The following CHD9 variants were observed in gnomAD, a reference collection of about 807,000 sequenced individuals.
CHD9 encodes the protein ATP-dependent chromatin remodeler CHD9.
Under a neutral mutation model 316.1 loss-of-function variants are expected in CHD9, and 77 were observed. The observed-to-expected ratio is 0.24, with a 90% CI of 0.20 to 0.29. The LOEUF (loss-of-function observed/expected upper bound fraction) is 0.29, where lower values mean the gene tolerates loss of function less well. CHD9 is among the 10% of genes least tolerant of loss of function. The pLI is 1.00. For synonymous variants in CHD9, 1,129 were observed against 1,158.3 expected (o/e 0.97, Z 0.51); for missense variants, 2,763 against 3,438.1 (o/e 0.80, Z 4.91).
intron 1 of CHD9, among the ~76,000 whole-genome samples, chr16:53,091,760 T>C (rs1341438081): frequency 1.3e-5 from 2 of 152,218 alleles, no homozygotes; most frequent in African/African-American, 4.8e-5. Context: ...GTTCAAGGAC[T>C]GTTTTCTGAA....
intron 8 of CHD9, among the ~76,000 whole-genome samples, chr16:53,229,494 G>C (rs1567521495): frequency 1.3e-5 from 2 of 152,184 alleles, no homozygotes; most frequent in Non-Finnish European, 2.9e-5. Flanking sequence ...CTTCATGTAT[G>C]TGAACAGAAC....
At chr16:53,180,496 A>T (rs1034032022) in intron 2 of CHD9, among the ~76,000 whole-genome samples, 2 of 152,106 alleles carry the variant, frequency 1.3e-5, no homozygotes, top group East Asian at 1.9e-4. Flanking sequence ...TGAAACTTTT[A>T]GTGATGTATT....
intron 17 of CHD9, 39 bp downstream of exon 17, chr16:53,250,105 A>T (rs1350449074): frequency 1.4e-6 from 2 of 1,456,416 alleles, no homozygotes; most frequent in South Asian, 2.5e-5. Flanking sequence ...TGCATTTTTT[A>T]AAAAAGTAAA....
Position 53,324,295 on chromosome 16 carries a change from T to G in CHD9, c.8094T>G (p.Leu2698=). Reference sequence around the variant, plus strand: ...GGTTGATGGGAATGCCTACCGGCCTTCCTTCTGGAGGAGAAGCTAAAAACA... The same window carrying G: ...GGTTGATGGGAATGCCTACCGGCCTGCCTTCTGGAGGAGAAGCTAAAAACA... ...TAGLMGMPTG[L]PSGGEAKNMA... Residue 2698 remains leucine (L), a synonymous_variant, in exon 39 of 39, where the codon CTT becomes CTG. Coordinates refer to ENST00000447540, the MANE Select transcript of CHD9 (RefSeq NM_001308319.2). 1 of 1,614,008 alleles carries G rather than the reference T, an allele frequency of 6.2e-7. No individual in the cohort carries two copies. Among genetic ancestry groups the G allele is most frequent in the Non-Finnish European group, 8.5e-7 (1 of 1,179,888 alleles).
chr16:53,235,378 A>G, intron 11 of CHD9, 72 bp downstream of exon 11: 1 of 1,074,732 alleles, frequency 9.3e-7, no homozygotes, highest in Non-Finnish European at 1.3e-6. Flanking sequence ...TAAAATAGAT[A>G]CTGTTGTTGC....
intron 1 of CHD9, among the ~76,000 whole-genome samples, chr16:53,149,721 A>T (rs975203230): frequency 8.6e-5 from 11 of 128,384 alleles, no homozygotes; most frequent in East Asian, 5.1e-4. Flanking sequence ...CTAATTTAAA[A>T]ATATATATAT....
chr16:53,226,607 C>A, intron 5 of CHD9, 95 bp downstream of exon 5: 2 of 1,349,668 alleles, frequency 1.5e-6, no homozygotes, highest in Non-Finnish European at 2.0e-6. Context: ...ATTGCTCTAA[C>A]TTATCCTTCC....
At chr16:53,296,477 G>C in intron 29 of CHD9, among the ~76,000 whole-genome samples, 1 of 114,388 alleles carries the variant, frequency 8.7e-6, no homozygotes, top group Non-Finnish European at 1.6e-5. Flanking sequence ...GTCTCGCTCT[G>C]TCGCCCAGGC....
chr16:53,129,048 A>G (rs1447830969), intron 1 of CHD9, among the ~76,000 whole-genome samples: 1 of 152,230 alleles, frequency 6.6e-6, no homozygotes, highest in Non-Finnish European at 1.5e-5. Context: ...CCTAGAGGCC[A>G]TTTATTATAG....
intron 2 of CHD9, among the ~76,000 whole-genome samples, chr16:53,169,812 T>G (rs899109439): frequency 5.3e-5 from 8 of 152,318 alleles, no homozygotes; most frequent in African/African-American, 1.9e-4. Flanking sequence ...TTCAAAATTT[T>G]TAACTTGTCC....
chr16:53,183,448 A>G (rs2043702805), intron 2 of CHD9, among the ~76,000 whole-genome samples: 1 of 152,208 alleles, frequency 6.6e-6, no homozygotes, highest in Non-Finnish European at 1.5e-5. Flanking sequence ...TATATCTGTA[A>G]CAGGTTATTT....
At chr16:53,143,368 T>A (rs527790514) in intron 1 of CHD9, among the ~76,000 whole-genome samples, 1 of 81,566 alleles carries the variant, frequency 1.2e-5, no homozygotes, top group African/African-American at 3.7e-5. Flanking sequence ...TTTTATTTAT[T>A]TATTTATTTA....
chr16:53,291,110 G>T (rs2054296870), intron 27 of CHD9, among the ~76,000 whole-genome samples: 1 of 152,044 alleles, frequency 6.6e-6, no homozygotes. Context: ...ACAAAGAGAA[G>T]ATATTAAAAG....
At chr16:53,108,806 C>T (rs542555569) in intron 1 of CHD9, among the ~76,000 whole-genome samples, 1 of 151,440 alleles carries the variant, frequency 6.6e-6, no homozygotes, top group Non-Finnish European at 1.5e-5. Context: ...ACCCCAGAGG[C>T]GGAGGTTGCA....
At position 53,324,672 on chromosome 16, in the gene CHD9, C is replaced by A. The variant is rs769515449; in HGVS notation, c.8471C>A (p.Thr2824Asn). ...LHIPTLSQSN[T>N]FDVQNKNSDL... ...ATTCCAACTTTGTCCCAGTCCAATA[C>A]TTTTGATGTACAAAACAAAAACAGT... Residue 2824 changes from threonine (T) to asparagine (N), a missense_variant, in exon 39 of 39, where the codon ACT (threonine) becomes AAT (asparagine). By Grantham distance (65) the Thr-to-Asn change is moderately conservative. Transcript: ENST00000447540. The A allele has an allele frequency of 6.2e-7, 1 of 1,613,608 alleles. No individual in the cohort carries two copies. Among genetic ancestry groups the A allele is most frequent in the East Asian group, 2.2e-5 (1 of 44,864 alleles).
At chr16:53,149,676 T>G (rs2152731311) in intron 1 of CHD9, among the ~76,000 whole-genome samples, 1 of 150,464 alleles carries the variant, frequency 6.6e-6, no homozygotes, top group South Asian at 2.1e-4. Flanking sequence ...AGCCTCCCAG[T>G]TAGCTAGGAC....
chr16:53,109,089 C>T (rs937077612), intron 1 of CHD9, among the ~76,000 whole-genome samples: 10 of 152,056 alleles, frequency 6.6e-5, no homozygotes, highest in Non-Finnish European at 1.5e-5. Context: ...AAGCAGGGAT[C>T]GAGCAGCTCC....
chr16:53,247,487 T>G lies in CHD9; in HGVS notation c.3649T>G (p.Tyr1217Asp). ...MVRCLDILEDYLIHKRYLYER... is the reference protein window; with the variant it reads ...MVRCLDILEDDLIHKRYLYER... Reference sequence around the variant, plus strand: ...TCGTTGCCTTGACATTCTGGAGGACTATCTCATACATAAAAGGTAAAGCAT... The same window carrying G: ...TCGTTGCCTTGACATTCTGGAGGACGATCTCATACATAAAAGGTAAAGCAT... Residue 1217 changes from tyrosine to aspartate, a missense_variant, in exon 16 of 39, where the codon TAT (tyrosine) becomes GAT (aspartate). Coordinates refer to ENST00000447540, the MANE Select transcript of CHD9 (RefSeq NM_001308319.2). 6.3e-7 allele frequency: 1 copy of G among 1,598,460 alleles called. No homozygotes were observed. Among genetic ancestry groups the G allele is most frequent in the Non-Finnish European group, 8.5e-7 (1 of 1,171,048 alleles).
chr16:53,140,120 A>T (rs2039995238), intron 1 of CHD9, among the ~76,000 whole-genome samples: 1 of 152,094 alleles, frequency 6.6e-6, no homozygotes, highest in African/African-American at 2.4e-5. Context: ...TCTGCATTTA[A>T]GTCAATTTTC....
Sources: gnomAD v4.1 joint callset for allele counts (sites outside exome capture counted in the v4.1 genomes callset) on GRCh38, gnomAD v4.1.1 for gene constraint, MANE v1.5 for transcripts, NCBI Gene and HGNC (gene_info 2026-07-23, HGNC 2026-07-21) for gene names.